Variants in LARGE1 observed in about 807,000 individuals in gnomAD.
The protein encoded by LARGE1 is LARGE xylosyl- and glucuronyltransferase 1, also known as xylosyl- and glucuronyltransferase LARGE1.
LARGE1 carries 43 observed loss-of-function variants against 87.6 expected under a neutral mutation model. The ratio of observed to expected loss-of-function variants is 0.49; its 90% CI spans 0.38 to 0.63. The LOEUF (loss-of-function observed/expected upper bound fraction) is 0.63, where lower values mean the gene tolerates loss of function less well. Among genes scored for constraint, LARGE1 ranks in the 30% least tolerant of loss-of-function variants. The pLI is 0.00. For missense variants in LARGE1, 802 were observed against 1,000.2 expected, an observed-to-expected ratio of 0.80 and a Z score of 2.67; for synonymous variants, 434 against 394.6, an observed-to-expected ratio of 1.10 and a Z score of -1.18.
At chr22:33,649,301 A>G (rs1005366951) in intron 3 of LARGE1, among the ~76,000 whole-genome samples, 7 of 152,192 alleles carry the variant, frequency 4.6e-5, no homozygotes, top group African/African-American at 1.4e-4. Context: ...AGTATCACCA[A>G]TATTACTAAT....
At chr22:33,697,704 C>T (rs1445377804) in intron 2 of LARGE1, among the ~76,000 whole-genome samples, 3 of 152,100 alleles carry the variant, frequency 2.0e-5, no homozygotes, top group South Asian at 2.1e-4. Flanking sequence ...TTCTGCGGTG[C>T]GCTGCAGAGT....
At chr22:33,682,509 C>A (rs1203530221) in intron 2 of LARGE1, among the ~76,000 whole-genome samples, 2 of 152,208 alleles carry the variant, frequency 1.3e-5, no homozygotes, top group African/African-American at 4.8e-5. Flanking sequence ...CATCATAAAT[C>A]CATGAGAAAT....
intron 1 of LARGE1, among the ~76,000 whole-genome samples, chr22:33,853,842 A>G (rs1220455878): frequency 6.6e-6 from 1 of 152,204 alleles, no homozygotes; most frequent in East Asian, 1.9e-4. Context: ...GGAAAATAGA[A>G]GTATGCAAGC....
chr22:33,519,236 G>GCA (rs1491396923), intron 6 of LARGE1, among the ~76,000 whole-genome samples: 1 of 64,138 alleles, frequency 1.6e-5, no homozygotes, highest in African/African-American at 3.5e-5. Flanking sequence ...GTGCGCGCGC[G>GCA]TGTGTGTGTG....
intron 1 of LARGE1, among the ~76,000 whole-genome samples, chr22:33,815,532 G>T (rs1037810559): frequency 6.6e-6 from 1 of 152,116 alleles, no homozygotes; most frequent in Non-Finnish European, 1.5e-5. Flanking sequence ...AGTGGTTGAG[G>T]GACTGGCTTT....
intron 2 of LARGE1, among the ~76,000 whole-genome samples, chr22:33,679,462 ACACACG>A: frequency 6.7e-6 from 1 of 150,286 alleles, no homozygotes; most frequent in Non-Finnish European, 1.5e-5. Context: ...GGACAGACAC[ACACACG>A]CACACACACA....
intron 6 of LARGE1, among the ~76,000 whole-genome samples, chr22:33,467,955 G>A (rs897869851): frequency 1.3e-5 from 2 of 152,116 alleles, no homozygotes; most frequent in African/African-American, 4.8e-5. Context: ...AGGCTTTGAG[G>A]GGCTCATTTG....
chr22:33,636,035 T>C (rs1488050840), intron 3 of LARGE1, among the ~76,000 whole-genome samples: 1 of 152,134 alleles, frequency 6.6e-6, no homozygotes, highest in Admixed American at 6.5e-5. Context: ...GGCACATAAA[T>C]GGATGATGAA....
At chr22:33,458,242 A>T (rs1226458353) in intron 6 of LARGE1, among the ~76,000 whole-genome samples, 1 of 150,016 alleles carries the variant, frequency 6.7e-6, no homozygotes, top group Non-Finnish European at 1.5e-5. Flanking sequence ...AGTAGCTGGG[A>T]CTACAGGTGC....
chr22:33,689,702 G>A (rs964591317), intron 2 of LARGE1, among the ~76,000 whole-genome samples: 9 of 152,106 alleles, frequency 5.9e-5, no homozygotes, highest in Non-Finnish European at 1.3e-4. Context: ...CGAGGTGGGT[G>A]GATCACGAGG....
chr22:33,705,972 A>G (rs978322807), intron 2 of LARGE1, among the ~76,000 whole-genome samples: 3 of 152,250 alleles, frequency 2.0e-5, no homozygotes, highest in African/African-American at 7.2e-5. Flanking sequence ...CTCGGAAAAG[A>G]AACATCACCC....
the LARGE1 span, among the ~76,000 whole-genome samples, chr22:33,143,661 A>G: frequency 6.6e-6 from 1 of 152,252 alleles, no homozygotes; most frequent in East Asian, 1.9e-4. Context: ...TTCTGGCCAA[A>G]AAGAAAGACA....
chr22:33,358,414 T>A (rs1475955085), intron 9 of LARGE1, among the ~76,000 whole-genome samples: 1 of 152,156 alleles, frequency 6.6e-6, no homozygotes, highest in East Asian at 1.9e-4. Flanking sequence ...TGCTTAGCTG[T>A]GACATGTTCA....
chr22:33,111,313 A>G, the LARGE1 span, among the ~76,000 whole-genome samples: 2 of 151,906 alleles, frequency 1.3e-5, no homozygotes, highest in Admixed American at 6.6e-5. Context: ...CCCTTGTGAG[A>G]CTCTGACTCC....
At chr22:33,175,731 A>G (rs1602047723) in intron 11 of LARGE1, among the ~76,000 whole-genome samples, 2 of 152,226 alleles carry the variant, frequency 1.3e-5, no homozygotes, top group Admixed American at 1.3e-4. Flanking sequence ...CATACTGCCC[A>G]AAGTAATATA....
chr22:33,554,231 T>A (rs1274513135), intron 6 of LARGE1, among the ~76,000 whole-genome samples: 1 of 151,950 alleles, frequency 6.6e-6, no homozygotes, highest in East Asian at 1.9e-4. Flanking sequence ...GCTGATTTCA[T>A]CCTGCCCCCA....
intron 1 of LARGE1, among the ~76,000 whole-genome samples, chr22:33,809,531 C>T (rs1323377430): frequency 6.6e-6 from 1 of 152,160 alleles, no homozygotes; most frequent in African/African-American, 2.4e-5. Context: ...GTCTGAATTT[C>T]CAGAGAGGTG....
At chr22:33,697,984 TA>T (rs946114769) in intron 2 of LARGE1, among the ~76,000 whole-genome samples, 3 of 152,202 alleles carry the variant, frequency 2.0e-5, no homozygotes, top group Non-Finnish European at 4.4e-5. Context: ...ATTTGTTTCT[TA>T]AAAGACTCAA....
chr22:33,448,425 T>C (rs1381525781), intron 6 of LARGE1, among the ~76,000 whole-genome samples: 1 of 152,240 alleles, frequency 6.6e-6, no homozygotes, highest in Admixed American at 6.5e-5. Context: ...AACAATAAAT[T>C]AAGAAAAGAA....
Sources: gnomAD v4.1 joint callset for allele counts (sites outside exome capture counted in the v4.1 genomes callset) on GRCh38, gnomAD v4.1.1 for gene constraint, MANE v1.5 for transcripts, NCBI Gene and HGNC (gene_info 2026-07-23, HGNC 2026-07-21) for gene names.